The following KALRN variants were observed in gnomAD, a reference collection of about 807,000 sequenced individuals.
KALRN encodes kalirin RhoGEF kinase, also known as kalirin.
KALRN carries 70 observed loss-of-function variants against 353.7 expected under a neutral mutation model. The observed-to-expected ratio is 0.20, with a 90% CI of 0.16 to 0.24. The LOEUF (loss-of-function observed/expected upper bound fraction) is 0.24, where lower values mean the gene tolerates loss of function less well. KALRN is among the 10% of genes least tolerant of loss of function. The probability of loss-of-function intolerance (pLI) is 1.00; values close to 1 mark genes in which losing one functional copy is unlikely to be tolerated. For missense variants in KALRN, 2,791 were observed against 3,756.7 expected (o/e 0.74, Z 6.72); for synonymous variants, 1,391 against 1,434.8 (o/e 0.97, Z 0.69).
At chr3:124,563,198 A>G in intron 34 of KALRN, 109 bp downstream of exon 34, 1 of 1,186,026 alleles carries the variant, frequency 8.4e-7, no homozygotes, top group Non-Finnish European at 1.1e-6. Flanking sequence ...ACCCATTTTT[A>G]CCCTGTGGGG....
chr3:124,683,712 C>G (rs2061438774), intron 51 of KALRN, among the ~76,000 whole-genome samples: 1 of 152,228 alleles, frequency 6.6e-6, no homozygotes, highest in Non-Finnish European at 1.5e-5. Context: ...ATCCACAACA[C>G]AGACTAAGTG....
intron 6 of KALRN, among the ~76,000 whole-genome samples, chr3:124,307,157 TATAAG>T (rs948889560): frequency 6.6e-6 from 1 of 152,112 alleles, no homozygotes; most frequent in African/African-American, 2.4e-5. Flanking sequence ...AAAGCAATCA[TATAAG>T]ATAATATGTA....
At chr3:124,322,508 G>A (rs1231860885) in intron 6 of KALRN, among the ~76,000 whole-genome samples, 1 of 152,204 alleles carries the variant, frequency 6.6e-6, no homozygotes, top group Non-Finnish European at 1.5e-5. Flanking sequence ...GCAGATGGAA[G>A]AGAGTGGAGG....
At chr3:124,159,842 G>A (rs749753483) in intron 1 of KALRN, among the ~76,000 whole-genome samples, 19 of 151,938 alleles carry the variant, frequency 1.3e-4, no homozygotes, top group Non-Finnish European at 2.2e-4. Flanking sequence ...TCATATACCC[G>A]TTGTAAAGTG....
rs1036238960 is a variant in KALRN, at chr3:124,667,027, C to T, written c.6547C>T (p.Leu2183=). The T allele has an allele frequency of 1.2e-6, 2 of 1,609,032 alleles. No homozygotes were observed. Among genetic ancestry groups the T allele is most frequent in the Non-Finnish European group, 1.7e-6 (2 of 1,176,424 alleles). The change falls in exon 47 of 60, where the codon CTG becomes TTG. Residue 2183 remains leucine (L), a synonymous_variant. Coordinates refer to ENST00000682506, the MANE Select transcript of KALRN (RefSeq NM_001388419.1). The stretch of plus-strand genomic sequence containing the variant: ...TTTCTTCCAGATGAATTACTTGGTC[C>T]TGGAGGAGAATGTGGACAATGATCC... ...KRSIKMNYLV[L]EENVDNDPCK...
chr3:124,607,808 T>C (rs1375749713), intron 34 of KALRN, among the ~76,000 whole-genome samples: 1 of 151,974 alleles, frequency 6.6e-6, no homozygotes, highest in Non-Finnish European at 1.5e-5. Flanking sequence ...TAGAGACACG[T>C]TGACCAGGCT....
intron 10 of KALRN, among the ~76,000 whole-genome samples, chr3:124,349,238 T>C (rs2082594447): frequency 6.6e-6 from 1 of 152,076 alleles, no homozygotes; most frequent in Non-Finnish European, 1.5e-5. Flanking sequence ...AAAGGACAAA[T>C]ATTTTATGAT....
intron 9 of KALRN, among the ~76,000 whole-genome samples, chr3:124,343,048 C>G (rs1296664394): frequency 1.3e-5 from 2 of 152,206 alleles, no homozygotes; most frequent in Non-Finnish European, 2.9e-5. Flanking sequence ...TCTATAGACA[C>G]TGCCATTGGC....
chr3:124,357,017 T>C (rs1174954248), intron 10 of KALRN, among the ~76,000 whole-genome samples: 2 of 152,184 alleles, frequency 1.3e-5, no homozygotes, highest in Admixed American at 1.3e-4. Context: ...AAGTTTATTA[T>C]ATCACCTCCC....
chr3:124,645,686 G>A (rs1226298224), intron 37 of KALRN, among the ~76,000 whole-genome samples: 1 of 147,848 alleles, frequency 6.8e-6, no homozygotes, highest in Non-Finnish European at 1.5e-5. Flanking sequence ...GTGTATCACA[G>A]TTTCTTTAAC....
At chr3:124,534,630 CTA>C (rs2068356064) in intron 33 of KALRN, among the ~76,000 whole-genome samples, 1 of 152,052 alleles carries the variant, frequency 6.6e-6, no homozygotes, top group Non-Finnish European at 1.5e-5. Context: ...GTAAAGGACT[CTA>C]TGAACTGGAA....
At chr3:124,506,250 G>A (rs2065210340) in intron 33 of KALRN, among the ~76,000 whole-genome samples, 1 of 152,132 alleles carries the variant, frequency 6.6e-6, no homozygotes, top group Non-Finnish European at 1.5e-5. Context: ...GTATAGATCA[G>A]ACCAGGACAG....
intron 33 of KALRN, chr3:124,519,972 A>G (rs933375571): frequency 3.1e-6 from 2 of 651,632 alleles, no homozygotes; most frequent in African/African-American, 2.0e-5. Context: ...GACAGATGCA[A>G]TGAGCGTGTG....
chr3:124,098,760 T>G (rs2061628032), intron 1 of KALRN, among the ~76,000 whole-genome samples: 1 of 152,208 alleles, frequency 6.6e-6, no homozygotes, highest in African/African-American at 2.4e-5. Context: ...TCCTACCTTT[T>G]TATGTCACCT....
intron 20 of KALRN, 131 bp downstream of exon 20, chr3:124,446,407 G>A: frequency 1.5e-6 from 1 of 666,394 alleles, no homozygotes; most frequent in East Asian, 2.7e-5. Flanking sequence ...AAGAAAGAAA[G>A]CAGGTTGTCA....
At position 124,688,131 on chromosome 3, in the gene KALRN, C is replaced by T. The variant is rs192335786; in HGVS notation, c.7378-5673C>T. On this transcript the variant is annotated intron_variant, in intron 51 of 59. Coordinates refer to ENST00000682506, the MANE Select transcript of KALRN (RefSeq NM_001388419.1). ...GTTCAAGACCAGCTGGGCAACATGGCGAGACCCCATCTCTATAAAGAATAG... is the reference window on the plus strand; with the variant it reads ...GTTCAAGACCAGCTGGGCAACATGGTGAGACCCCATCTCTATAAAGAATAG... Among the ~76,000 whole-genome samples the T allele has an allele frequency of 6.6e-5, 10 of 151,900 alleles. No homozygotes were observed. In the East Asian group the frequency reaches 1.9e-3, roughly 29 times the overall value.
rs894161376 is a variant in KALRN, at chr3:124,518,842, A to G, written c.4935+22429A>G. On this transcript the variant is annotated intron_variant, in intron 33 of 59. Coordinates refer to ENST00000682506, the MANE Select transcript of KALRN (RefSeq NM_001388419.1). ...GGTCTGCAACATGAGTGAAGAGGTT[A>G]ATTAGAGGGACACACTTATCTCTGA... is the stretch of plus-strand genomic sequence containing the variant. The G allele has an allele frequency of 4.2e-5, 45 of 1,079,106 alleles. No individual in the cohort carries two copies. In the African/African-American group the frequency reaches 5.9e-4, roughly 14 times the overall value. The allele number at this position is 1,079,106 out of a possible 1,614,324, so 66.8% of individuals were successfully genotyped here.
At chr3:124,426,587 T>C (rs2093031092) in intron 15 of KALRN, among the ~76,000 whole-genome samples, 1 of 152,128 alleles carries the variant, frequency 6.6e-6, no homozygotes, top group Non-Finnish European at 1.5e-5. Context: ...ACAAATGAAA[T>C]TGATTGATGC....
chr3:124,250,161 T>C (rs1560358432), intron 3 of KALRN, among the ~76,000 whole-genome samples: 2 of 152,146 alleles, frequency 1.3e-5, no homozygotes, highest in South Asian at 4.1e-4. Flanking sequence ...CTTTCAAGAA[T>C]GTGACTGCTA....
Sources: allele counts gnomAD v4.1 joint callset (sites outside exome capture counted in the v4.1 genomes callset), GRCh38; gene constraint gnomAD v4.1.1; transcripts MANE v1.5; gene names NCBI Gene and HGNC (gene_info 2026-07-23, HGNC 2026-07-21).